OR51B5: variants seen among roughly 807,000 people sequenced by gnomAD.
OR51B5 encodes the protein olfactory receptor family 51 subfamily B member 5.
For synonymous variants in OR51B5, 186 were observed against 144.8 expected (o/e 1.28, Z -2.04); for missense variants, 456 against 374.6 (o/e 1.22, Z -1.79).
chr11:5,422,705 C>T (rs751240817), intron 1 of OR51B5: 1 of 1,614,064 alleles, frequency 6.2e-7, no homozygotes. Flanking sequence ...CAAGCGACTG[C>T]CTTTCTGCCA....
At chr11:5,430,898 G>A (rs962040406) in intron 1 of OR51B5, 50 of 456,950 alleles carry the variant, frequency 1.1e-4, no homozygotes, top group African/African-American at 6.2e-4. Context: ...GCCTTCCACC[G>A]TCCCTCTCCA....
intron 1 of OR51B5, among the ~76,000 whole-genome samples, chr11:5,451,003 A>C (rs1850838871): frequency 6.6e-6 from 1 of 152,244 alleles, no homozygotes; most frequent in Non-Finnish European, 1.5e-5. Context: ...CCTGGTCTCC[A>C]TAAACTGTGA....
At chr11:5,342,557 T>A, downstream of OR51B5, 1 of 1,535,912 alleles carries the variant, frequency 6.5e-7, no homozygotes. Context: ...GTTTTTACAT[T>A]CTGTGAGAGT....
At chr11:5,450,613 C>G (rs1330350847) in intron 1 of OR51B5, among the ~76,000 whole-genome samples, 1 of 152,170 alleles carries the variant, frequency 6.6e-6, no homozygotes, top group Non-Finnish European at 1.5e-5. Context: ...GCCTTGGAGA[C>G]AGGTACTTTT....
At chr11:5,342,714 G>T in exon 1 of OR51B5, 1 of 1,613,604 alleles carries the variant, frequency 6.2e-7, no homozygotes, top group South Asian at 1.1e-5. Flanking sequence ...ATAATGAGGT[G>T]AACAATATGT....
intron 1 of OR51B5, among the ~76,000 whole-genome samples, chr11:5,359,591 GC>G (rs1849249370): frequency 6.9e-6 from 1 of 145,320 alleles, no homozygotes; most frequent in Non-Finnish European, 1.5e-5. Flanking sequence ...TAGATTCAAT[GC>G]CATCCCCATC....
chr11:5,406,156 G>A (rs980448948), intron 1 of OR51B5, among the ~76,000 whole-genome samples: 1 of 152,136 alleles, frequency 6.6e-6, no homozygotes, highest in Non-Finnish European at 1.5e-5. Context: ...AGATTGCATA[G>A]TGAATTCTCA....
chr11:5,346,747 T>C (rs992923053), upstream of OR51B5: 3 of 151,860 alleles, frequency 2.0e-5, no homozygotes, highest in Non-Finnish European at 4.4e-5. Context: ...TTCTTCTCCG[T>C]ATCTTTCTCT....
intron 1 of OR51B5, chr11:5,456,245 C>T (rs1564819587): frequency 6.6e-6 from 1 of 152,100 alleles, no homozygotes; most frequent in Non-Finnish European, 1.5e-5. Flanking sequence ...AAATATGAGC[C>T]TCCCAAAAAG....
rs78398058 is a variant in OR51B5 at position 5,367,284 on chromosome 11, A to T, written n.85-20374T>A. ...GGTTCTTGGATTTCGTGCCCAAGAA[A>T]GAATTTGGGGCAAATCCATACAGAA... On this transcript the variant is annotated intron_variant and non_coding_transcript_variant, in intron 1 of 4. Coordinates refer to the OR51B5 transcript ENST00000415970. 3.6e-3 allele frequency among the ~76,000 whole-genome samples: 556 copies of T among 152,356 alleles called. 2 individuals carry two copies. The highest frequency in any genetic ancestry group is 4.2e-3 in the Non-Finnish European group (283 of 68,032).
chr11:5,434,630 G>C (rs1850569530), intron 1 of OR51B5, among the ~76,000 whole-genome samples: 1 of 151,040 alleles, frequency 6.6e-6, no homozygotes, highest in African/African-American at 2.5e-5. Context: ...AGACTTCGAA[G>C]GACCATGAAA....
intron 1 of OR51B5, among the ~76,000 whole-genome samples, chr11:5,404,096 G>A (rs1443245838): frequency 7.1e-6 from 1 of 141,682 alleles, no homozygotes; most frequent in Non-Finnish European, 1.5e-5. Flanking sequence ...AAAATTCTGG[G>A]ATTCTCCCAT....
intron 1 of OR51B5, chr11:5,430,720 C>G: frequency 2.2e-6 from 1 of 456,838 alleles, no homozygotes; most frequent in Non-Finnish European, 4.4e-6. Flanking sequence ...GGTCTTAACA[C>G]TATAGATGAT....
Position 5,358,119 on chromosome 11 carries a change from G to A in OR51B5, n.85-11209C>T, listed in dbSNP as rs965439613. Among the ~76,000 whole-genome samples the A allele has an allele frequency of 3.9e-3, 593 of 151,762 alleles. 2 individuals are homozygous for A. The highest frequency in any genetic ancestry group is 0.01 in the African/African-American group (423 of 41,428). On this transcript the variant is annotated intron_variant and non_coding_transcript_variant, in intron 1 of 4. Coordinates refer to the OR51B5 transcript ENST00000415970. ...GAGCAAACACATTCAAATGCTAGCA[G>A]AAGGCAAGAAATAACTAAAATCAGA...
At chr11:5,441,438 A>T (rs1564814813) in intron 1 of OR51B5, 1 of 1,613,928 alleles carries the variant, frequency 6.2e-7, no homozygotes, top group South Asian at 1.1e-5. Context: ...AACCCAGGTG[A>T]GGCCTGTTTG....
At position 5,452,282 on chromosome 11, in the gene OR51B5, A is replaced by G. The variant is rs1850864243; in HGVS notation, n.84+53287T>C. ...CACTTTGGGAGGCCAAGGCAGGCGG[A>G]TCACGAGGTCAGGAGATCGAGATCA... On this transcript the variant is annotated intron_variant and non_coding_transcript_variant, in intron 1 of 4. Coordinates refer to the OR51B5 transcript ENST00000415970. Among the ~76,000 whole-genome samples, 4 of 152,134 alleles carry G rather than the reference A, an allele frequency of 2.6e-5. No homozygotes were observed. The South Asian group carries it at 8.3e-4, about 32-fold the overall frequency.
intron 1 of OR51B5, among the ~76,000 whole-genome samples, chr11:5,484,027 A>C (rs933542474): frequency 1.1e-4 from 17 of 152,054 alleles, no homozygotes; most frequent in African/African-American, 3.9e-4. Context: ...AAGCCACTGC[A>C]CCACCACACT....
chr11:5,438,301 C>G (rs532126264), intron 1 of OR51B5, among the ~76,000 whole-genome samples: 1 of 152,010 alleles, frequency 6.6e-6, no homozygotes, highest in East Asian at 1.9e-4. Flanking sequence ...GAAATTTCAA[C>G]TCCTTCCTTA....
intron 1 of OR51B5, among the ~76,000 whole-genome samples, chr11:5,380,619 G>A (rs893087797): frequency 1.3e-5 from 2 of 152,122 alleles, no homozygotes; most frequent in East Asian, 3.9e-4. Flanking sequence ...ATATGATTAA[G>A]ACTAAAGGCC....
Sources: allele counts gnomAD v4.1 joint callset (sites outside exome capture counted in the v4.1 genomes callset), GRCh38; gene constraint gnomAD v4.1.1; transcripts MANE v1.5; gene names NCBI Gene and HGNC (gene_info 2026-07-23, HGNC 2026-07-21).